The following SLC7A8 variants were observed in gnomAD, a reference collection of about 807,000 sequenced individuals.
SLC7A8 encodes solute carrier family 7 member 8, also known as large neutral amino acids transporter small subunit 2.
A neutral mutation model predicts 51.2 loss-of-function variants in SLC7A8; 30 were observed. That is an observed-to-expected ratio of 0.59 (90% CI 0.44 to 0.80). The LOEUF (loss-of-function observed/expected upper bound fraction) is 0.80, where lower values mean the gene tolerates loss of function less well. Ranked by LOEUF, SLC7A8 falls within the 30% of genes least tolerant of loss-of-function variation. The probability of loss-of-function intolerance (pLI) is 0.00; values close to 1 mark genes in which losing one functional copy is unlikely to be tolerated. For missense variants in SLC7A8, 612 were observed against 674.4 expected (o/e 0.91, Z 1.03); for synonymous variants, 257 against 275.8 (o/e 0.93, Z 0.67).
chr14:23,180,121 T>TG (rs1877104563), intron 1 of SLC7A8, among the ~76,000 whole-genome samples: 1 of 152,158 alleles, frequency 6.6e-6, no homozygotes, highest in South Asian at 2.1e-4. Flanking sequence ...TTAGCCAGGA[T>TG]GGTCTTGATC....
Position 23,140,556 on chromosome 14 carries a change from C to T in SLC7A8, c.703G>A (p.Ala235Thr), listed in dbSNP as rs1470081163. The change falls in exon 5 of 11, where the codon GCA becomes ACA. Residue 235 changes from alanine to threonine, a missense_variant. Transcript: ENST00000316902. Reference protein sequence around the residue: ...NFQEPDIGLVALAFLQGSFAY... With the variant: ...NFQEPDIGLVTLAFLQGSFAY... ...AAGGAGCCCTGAAGGAAAGCCAGTG[C>T]GACGAGGCCGATGTCAGGTTCCTGG... 1.9e-6 allele frequency: 3 copies of T among 1,614,000 alleles called. No homozygotes were observed. The highest frequency in any genetic ancestry group is 1.7e-5 in the Admixed American group (1 of 60,002).
At chr14:23,130,023 C>A in intron 8 of SLC7A8, 1 of 531,856 alleles carries the variant, frequency 1.9e-6, no homozygotes, top group Non-Finnish European at 3.3e-6. Flanking sequence ...TATTTAACCA[C>A]TCGTATGGCA....
intron 3 of SLC7A8, among the ~76,000 whole-genome samples, chr14:23,158,132 C>T (rs2048903572): frequency 6.6e-6 from 1 of 152,174 alleles, no homozygotes; most frequent in Admixed American, 6.5e-5. Context: ...TTGTTGTCTC[C>T]CCCGTGCCAA....
At chr14:23,149,029 C>T (rs912099615) in intron 3 of SLC7A8, among the ~76,000 whole-genome samples, 2 of 152,164 alleles carry the variant, frequency 1.3e-5, no homozygotes, top group Non-Finnish European at 2.9e-5. Context: ...TGTCTGTCCA[C>T]AGGCCTTGCG....
rs1049444649 is a variant in SLC7A8, at chr14:23,154,474, C to G, written c.508+10811G>C. On this transcript the variant is annotated intron_variant, in intron 3 of 10. Transcript: ENST00000316902. ...ACGCTCGGCTCTGTGATTGGCTGCA[C>G]CGAGTTCCTTGGCCGCCTCCCCCGC... is the stretch of plus-strand genomic sequence containing the variant. 1.5e-5 allele frequency: 15 copies of G among 986,218 alleles called. No homozygotes were observed. The African/African-American group carries it at 2.6e-4, about 17-fold the overall frequency. 61.1% of individuals were successfully genotyped at this position (986,218 alleles called of 1,614,324 possible). A position where few individuals can be genotyped will look rare whatever the true frequency, so the allele number is the denominator to read the frequency against.
chr14:23,155,116 C>A, intron 3 of SLC7A8: 2 of 1,503,290 alleles, frequency 1.3e-6, no homozygotes, highest in Non-Finnish European at 1.8e-6. Flanking sequence ...GCCTATCGCA[C>A]GATAGTAACA....
chr14:23,167,016 G>A (rs2048953751), intron 1 of SLC7A8, among the ~76,000 whole-genome samples: 1 of 152,216 alleles, frequency 6.6e-6, no homozygotes. Flanking sequence ...ACCTGCCACT[G>A]GAAGGCTTCA....
At chr14:23,172,538 G>C (rs182168566) in intron 1 of SLC7A8, among the ~76,000 whole-genome samples, 1 of 152,120 alleles carries the variant, frequency 6.6e-6, no homozygotes, top group Non-Finnish European at 1.5e-5. Flanking sequence ...TGAGTGTTGC[G>C]CCCTCAAATA....
intron 1 of SLC7A8, among the ~76,000 whole-genome samples, chr14:23,170,015 A>G (rs2048968295): frequency 6.6e-6 from 1 of 152,214 alleles, no homozygotes. Flanking sequence ...GTTGGAACAC[A>G]GATCTGATTC....
At chr14:23,161,011 A>T (rs948834566) in intron 3 of SLC7A8, among the ~76,000 whole-genome samples, 8 of 150,466 alleles carry the variant, frequency 5.3e-5, no homozygotes, top group African/African-American at 2.0e-4. Context: ...TATTCTGCTG[A>T]CTCAGCAGTG....
At chr14:23,182,498 A>C (rs552737099) in intron 1 of SLC7A8, among the ~76,000 whole-genome samples, 27 of 152,262 alleles carry the variant, frequency 1.8e-4, no homozygotes. Flanking sequence ...GTTCCCAGGC[A>C]ATGCTAATCA....
Position 23,155,344 on chromosome 14 carries a change from C to T in SLC7A8, c.508+9941G>A, listed in dbSNP as rs144687745. The T allele has an allele frequency of 4.9e-4, 753 of 1,530,974 alleles. 9 individuals carry two copies. The East Asian group carries it at 0.016, about 32-fold the overall frequency. 94.8% of individuals were successfully genotyped at this position (1,530,974 alleles called of 1,614,324 possible). On this transcript the variant is annotated intron_variant, in intron 3 of 10. Transcript: ENST00000316902. Reference sequence around the variant, plus strand: ...CCAAACACTTCCAGCTAAGCTCCTGCCCATACTGCCCCATCCCCTCCCCTC... The same window carrying T: ...CCAAACACTTCCAGCTAAGCTCCTGTCCATACTGCCCCATCCCCTCCCCTC...
At chr14:23,161,900 C>T (rs971765501) in intron 3 of SLC7A8, among the ~76,000 whole-genome samples, 11 of 121,820 alleles carry the variant, frequency 9.0e-5, no homozygotes, top group Non-Finnish European at 1.6e-4. Flanking sequence ...ACACTCCAGC[C>T]TGGGTGACAG....
chr14:23,166,078 A>T (rs576830606), intron 2 of SLC7A8, among the ~76,000 whole-genome samples: 1 of 152,144 alleles, frequency 6.6e-6, no homozygotes, highest in South Asian at 2.1e-4. Flanking sequence ...GCTCTCACTC[A>T]TAGACTCCTT....
chr14:23,153,637 C>T (rs1285253883), intron 3 of SLC7A8, among the ~76,000 whole-genome samples: 1 of 152,156 alleles, frequency 6.6e-6, no homozygotes, highest in African/African-American at 2.4e-5. Flanking sequence ...CCATTGCTCC[C>T]AGGGCTTTAG....
intron 3 of SLC7A8, among the ~76,000 whole-genome samples, chr14:23,149,069 T>C (rs1321446563): frequency 1.3e-5 from 2 of 152,086 alleles, no homozygotes; most frequent in Non-Finnish European, 2.9e-5. Flanking sequence ...GGGATGGCGC[T>C]CTCTAGAAGA....
chr14:23,128,430 G>A lies in SLC7A8; in HGVS notation c.1264-234C>T. 1 of 1,431,608 alleles carries A rather than the reference G, an allele frequency of 7.0e-7. No individual in the cohort carries two copies. The highest frequency in any genetic ancestry group is 9.4e-7 in the Non-Finnish European group (1 of 1,063,010). 88.7% of individuals were successfully genotyped at this position (1,431,608 alleles called of 1,614,324 possible). On this transcript the variant is annotated intron_variant, in intron 9 of 10. Transcript: ENST00000316902. The surrounding 1 kb of genome is among the most constrained non-coding windows in gnomAD (Gnocchi z 4.3). The stretch of plus-strand genomic sequence containing the variant: ...GAAGAGGATGGGGAGGAGTTAGGGA[G>A]GAAACGATCCTCCTTGCCCATGTCC...
intron 3 of SLC7A8, among the ~76,000 whole-genome samples, chr14:23,145,847 A>G (rs1160983493): frequency 2.0e-5 from 3 of 152,198 alleles, no homozygotes; most frequent in Non-Finnish European, 4.4e-5. Flanking sequence ...CTCCTCATGG[A>G]AGAGCTATTA....
intron 1 of SLC7A8, among the ~76,000 whole-genome samples, chr14:23,172,438 C>G (rs974523361): frequency 3.3e-5 from 5 of 152,190 alleles, no homozygotes; most frequent in Non-Finnish European, 7.3e-5. Context: ...TTGGGAAACA[C>G]TTGTTCACAC....
Sources: gnomAD v4.1 joint callset for allele counts (sites outside exome capture counted in the v4.1 genomes callset) on GRCh38, gnomAD v4.1.1 for gene constraint, Gnocchi (gnomAD v3.1) non-coding constraint, MANE v1.5 for transcripts, NCBI Gene and HGNC (gene_info 2026-07-23, HGNC 2026-07-21) for gene names.